Variants in MX2 observed in about 807,000 individuals in gnomAD.
MX2 encodes the protein interferon-induced GTP-binding protein Mx2.
MX2 carries 51 observed loss-of-function variants against 74.0 expected under a neutral mutation model. The ratio of observed to expected loss-of-function variants is 0.69; its 90% CI spans 0.55 to 0.87. The LOEUF (loss-of-function observed/expected upper bound fraction) is 0.87, where lower values mean the gene tolerates loss of function less well. Among genes scored for constraint, MX2 ranks in the 40% least tolerant of loss-of-function variants. The pLI is 0.00. For missense variants in MX2, 832 were observed against 908.7 expected (o/e 0.92, Z 1.09); for synonymous variants, 369 against 339.3 (o/e 1.09, Z -0.96).
rs892152764 is a variant in MX2, at chr21:41,379,455, G to A, written c.443-562G>A. Reference sequence around the variant, plus strand: ...AAAGGGCACTATCAGGATTCCCCTTGCTCCTCCTTCGGGATGTCCGGCTTC... The same window carrying A: ...AAAGGGCACTATCAGGATTCCCCTTACTCCTCCTTCGGGATGTCCGGCTTC... On this transcript the variant is annotated intron_variant, in intron 3 of 13. Transcript: ENST00000330714. Among the ~76,000 whole-genome samples the A allele has an allele frequency of 6.0e-4, 91 of 152,170 alleles. 1 individual carries two copies. The highest frequency in any genetic ancestry group is 8.8e-4 in the Non-Finnish European group (60 of 68,020).
At chr21:41,373,245 A>G (rs11088547) in intron 1 of MX2, among the ~76,000 whole-genome samples, 16,574 of 152,226 alleles carry the variant, frequency 0.11, 1,035 homozygotes, top group East Asian at 0.18. Flanking sequence ...CAGGAACTGC[A>G]GCTCAGAGAG....
Position 41,408,324 on chromosome 21 carries a change from ACT to A in MX2, c.*94_*95del. 6.6e-7 allele frequency: 1 copy of A among 1,516,104 alleles called. No homozygotes were observed. Among genetic ancestry groups the A allele is most frequent in the Non-Finnish European group, 8.9e-7 (1 of 1,122,466 alleles). 93.9% of individuals were successfully genotyped at this position (1,516,104 alleles called of 1,614,324 possible). A position where few individuals can be genotyped will look rare whatever the true frequency, so the allele number is the denominator to read the frequency against. ...GATGCCGCTTCTGCTTTGGGGCCAA[ACT>A]CTTCTGTCACTATCAGTGTCCATCT... On this transcript the variant is annotated 3_prime_UTR_variant, in exon 14 of 14. Coordinates refer to ENST00000330714, the MANE Select transcript of MX2 (RefSeq NM_002463.2).
In MX2 at chr21:41,390,612, C is replaced by G. The variant is rs773704361; in HGVS notation, c.780C>G (p.Asn260Lys). 1 of 1,614,194 alleles carries G rather than the reference C, an allele frequency of 6.2e-7. No homozygotes were observed. Among genetic ancestry groups the G allele is most frequent in the South Asian group, 1.1e-5 (1 of 91,086 alleles). The change falls in exon 6 of 14, where the codon AAC becomes AAG. Residue 260 changes from asparagine (N) to lysine (K), a missense_variant. By Grantham distance (94) the Asn-to-Lys change is moderately conservative (BLOSUM62 0). Coordinates refer to ENST00000330714, the MANE Select transcript of MX2 (RefSeq NM_002463.2). ...ACATCCAGAGGCAGCAGACGATCAACTTGGTGGTGGTTCCCTGTAACGTGG... is the reference window on the plus strand; with the variant it reads ...ACATCCAGAGGCAGCAGACGATCAAGTTGGTGGTGGTTCCCTGTAACGTGG... ...KKYIQRQQTI[N>K]LVVVPCNVDI... is the part of the protein sequence containing the mutation.
rs61730267 is a variant in MX2 at position 41,406,749 on chromosome 21, G to A, written c.1656G>A (p.Thr552=). ...TGTCTTTTTTATCTAACCAGAGCAC[G>A]ATTGAAGACATAAAAGTGAAACACA... ...FFNLNQTVQS[T]IEDIKVKHTA... is the part of the protein sequence containing the mutation. The change falls in exon 13 of 14, where the codon ACG becomes ACA. Residue 552 remains threonine, a synonymous_variant. Coordinates refer to ENST00000330714, the MANE Select transcript of MX2 (RefSeq NM_002463.2). The A allele has an allele frequency of 9.3e-3, 15,027 of 1,613,730 alleles. 440 individuals carry two copies. Among genetic ancestry groups the A allele is most frequent in the African/African-American group, 0.091 (6,809 of 74,984 alleles).
intron 6 of MX2, 82 bp downstream of exon 6, chr21:41,390,785 C>T (rs2089648828): frequency 1.5e-5 from 22 of 1,486,560 alleles, no homozygotes; most frequent in Non-Finnish European, 1.9e-5. Context: ...ACGGGCGGAT[C>T]ACGAGGTCAG....
rs1246209749 is a variant in MX2 at position 41,388,198 on chromosome 21, GT to G, written c.733-2365del. On this transcript the variant is annotated intron_variant, in intron 5 of 13. Transcript: ENST00000330714. This position sits in a 1 kb window ranked among gnomAD's most constrained non-coding sequence, Gnocchi z 4.0. ...CAAGTCAGATGCTATCATCCTTAAAGTTCCCCAGCGGCTCCCATGTCAATCA... is the reference window on the plus strand; with the variant it reads ...CAAGTCAGATGCTATCATCCTTAAAGTCCCCAGCGGCTCCCATGTCAATCA... Among the ~76,000 whole-genome samples the G allele has an allele frequency of 6.6e-6, 1 of 152,166 alleles. No individual in the cohort carries two copies. The highest frequency in any genetic ancestry group is 1.5e-5 in the Non-Finnish European group (1 of 68,028).
chr21:41,386,873 T>C (rs1193506725), intron 5 of MX2, among the ~76,000 whole-genome samples: 3 of 152,028 alleles, frequency 2.0e-5, no homozygotes, highest in Non-Finnish European at 4.4e-5. Flanking sequence ...CAGTCACAGG[T>C]TCTTAGTTTC....
intron 3 of MX2, among the ~76,000 whole-genome samples, chr21:41,378,548 CA>C (rs1489682369): frequency 2.0e-5 from 3 of 152,204 alleles, no homozygotes; most frequent in Admixed American, 6.5e-5. Flanking sequence ...AGAATTGTCT[CA>C]ATGTTTTGAA....
chr21:41,395,531 A>G, intron 6 of MX2, 56 bp from the exon 7 acceptor site: 1 of 1,576,054 alleles, frequency 6.3e-7, no homozygotes. Flanking sequence ...GTAGGAGTCA[A>G]ACCTGTTTGA....
chr21:41,376,328 G>C (rs1196289647), intron 1 of MX2, among the ~76,000 whole-genome samples: 1 of 152,134 alleles, frequency 6.6e-6, no homozygotes, highest in African/African-American at 2.4e-5. Context: ...GAGCTCAGGA[G>C]TTTGAGACCA....
intron 5 of MX2, among the ~76,000 whole-genome samples, chr21:41,384,476 A>G (rs569814296): frequency 5.3e-4 from 80 of 152,296 alleles, no homozygotes; most frequent in Admixed American, 8.5e-4. Context: ...CGGTCTCTCT[A>G]AGCTTTTCAT....
intron 1 of MX2, chr21:41,365,371 C>T (rs539882623): frequency 4.5e-4 from 69 of 152,296 alleles, no homozygotes; most frequent in African/African-American, 1.5e-3. Flanking sequence ...TTGCTCCTCT[C>T]CTTCCTCCCA....
intron 1 of MX2, among the ~76,000 whole-genome samples, chr21:41,367,845 C>T (rs2089281263): frequency 6.6e-6 from 1 of 152,176 alleles, no homozygotes; most frequent in Admixed American, 6.5e-5. Flanking sequence ...TTGGATCCGT[C>T]ACCCCCGACC....
At chr21:41,390,407 G>A in intron 5 of MX2, 158 bp from the exon 6 acceptor site, 8 of 1,024,014 alleles carry the variant, frequency 7.8e-6, no homozygotes, top group Admixed American at 1.9e-5. Context: ...GGGCCGCCGG[G>A]GCAGGCATTC....
At chr21:41,375,881 G>A (rs2089395134) in intron 1 of MX2, among the ~76,000 whole-genome samples, 1 of 152,202 alleles carries the variant, frequency 6.6e-6, no homozygotes, top group Admixed American at 6.5e-5. Flanking sequence ...GGGGGCTCCT[G>A]CCCGGAGCAC....
rs1348186170 is a variant in MX2 at position 41,399,098 on chromosome 21, C to G, written c.1272+79C>G. 6.3e-6 allele frequency: 10 copies of G among 1,595,578 alleles called. No individual in the cohort carries two copies. The Admixed American group carries it at 1.0e-4, about 16-fold the overall frequency. ...GCAGCTGCCCTTCCCCTTCTTCACC[C>G]ATGAGATGAGGTGGGCGGGTGGACA... On this transcript the variant is annotated intron_variant, in intron 9 of 13. Coordinates refer to ENST00000330714, the MANE Select transcript of MX2 (RefSeq NM_002463.2).
chr21:41,377,302 A>G (rs1414331788), intron 2 of MX2, 147 bp downstream of exon 2: 3 of 1,194,218 alleles, frequency 2.5e-6, no homozygotes, highest in Non-Finnish European at 2.3e-6. Flanking sequence ...CATGCCCAAC[A>G]AGTACCAGGA....
At chr21:41,390,408 G>T (rs2089641222) in intron 5 of MX2, 157 bp from the exon 6 acceptor site, 1 of 1,039,668 alleles carries the variant, frequency 9.6e-7, no homozygotes, top group Non-Finnish European at 1.4e-6. Flanking sequence ...GGCCGCCGGG[G>T]CAGGCATTCC....
Position 41,409,179 on chromosome 21 carries a change from A to C in MX2, c.*946A>C, listed in dbSNP as rs1189871840. On this transcript the variant is annotated 3_prime_UTR_variant, in exon 14 of 14. Coordinates refer to ENST00000330714, the MANE Select transcript of MX2 (RefSeq NM_002463.2). ...GATTTTGAGGCTGCAGTGAGCCATG[A>C]CTGCACCATGTACTACAGCCTGGGT... is the stretch of plus-strand genomic sequence containing the variant. The C allele has an allele frequency of 6.6e-6, 1 of 152,228 alleles. No individual in the cohort carries two copies. The highest frequency in any genetic ancestry group is 1.5e-5 in the Non-Finnish European group (1 of 68,120). 9.4% of individuals were successfully genotyped at this position (152,228 alleles called of 1,614,324 possible). A position where few individuals can be genotyped will look rare whatever the true frequency, so the allele number is the denominator to read the frequency against.
Sources: gnomAD v4.1 joint callset for allele counts (sites outside exome capture counted in the v4.1 genomes callset) on GRCh38, gnomAD v4.1.1 for gene constraint, Gnocchi (gnomAD v3.1) non-coding constraint, MANE v1.5 for transcripts, NCBI Gene and HGNC (gene_info 2026-07-23, HGNC 2026-07-21) for gene names.